RAB27A: variants seen among roughly 807,000 people sequenced by gnomAD.
The protein encoded by RAB27A is ras-related protein Rab-27A.
In RAB27A, 17 loss-of-function variants were observed where a neutral mutation model predicts 20.8. The observed-to-expected ratio is 0.82, with a 90% confidence interval of 0.56 to 1.23. RAB27A has a LOEUF of 1.23. Among genes scored for constraint, RAB27A ranks in the 50% most tolerant of loss-of-function variants. The pLI is 0.00. For missense variants in RAB27A, 277 were observed against 266.7 expected (o/e 1.04, Z -0.27); for synonymous variants, 85 against 92.8 (o/e 0.92, Z 0.48).
intron 1 of RAB27A, among the ~76,000 whole-genome samples, chr15:55,279,848 A>G (rs1437146714): frequency 2.6e-5 from 4 of 152,204 alleles, no homozygotes; most frequent in Non-Finnish European, 5.9e-5. Context: ...TGACTCATCA[A>G]CTACAAAGGC....
At chr15:55,235,066 T>G (rs935755325) in intron 2 of RAB27A, 110 bp from the exon 3 acceptor site, 14 of 865,774 alleles carry the variant, frequency 1.6e-5, no homozygotes. Flanking sequence ...AACCTGTATG[T>G]CTACGGGTTG....
intron 6 of RAB27A, among the ~76,000 whole-genome samples, chr15:55,215,953 A>AAG (rs1895280581): frequency 6.6e-6 from 1 of 150,842 alleles, no homozygotes; most frequent in African/African-American, 2.4e-5. Context: ...CTCAAAAAAA[A>AAG]AAAAAAAAAA....
chr15:55,210,156 C>T (rs1894931324), intron 6 of RAB27A, among the ~76,000 whole-genome samples: 1 of 96,250 alleles, frequency 1.0e-5, no homozygotes, highest in East Asian at 2.4e-4. Flanking sequence ...TGTATGTATA[C>T]ATACACATAC....
At chr15:55,208,547 C>A (rs879284427) in intron 6 of RAB27A, among the ~76,000 whole-genome samples, 5 of 152,184 alleles carry the variant, frequency 3.3e-5, no homozygotes, top group Admixed American at 3.3e-4. Flanking sequence ...CCCTTCATGA[C>A]CCCAGAAGTT....
chr15:55,287,139 T>G (rs919188846), intron 1 of RAB27A, among the ~76,000 whole-genome samples: 6 of 151,916 alleles, frequency 3.9e-5, no homozygotes, highest in Non-Finnish European at 2.9e-5. Flanking sequence ...AGCCTGGTCT[T>G]GAACTCCTGA....
Position 55,203,765 on chromosome 15 carries a change from T to C in RAB27A, c.*1742A>G, listed in dbSNP as rs1061824. ...TCTAAATCTTTTCCTCACTAGCATA[T>C]ACAATTCAAATGCACAGGCCTCCAT... On this transcript the variant is annotated 3_prime_UTR_variant, in exon 7 of 7. Transcript: ENST00000336787. 0.27 allele frequency: 40,546 copies of C among 151,548 alleles called. 7,042 individuals are homozygous for C. The highest frequency in any genetic ancestry group is 0.49 in the African/African-American group (20,403 of 41,230). 9.4% of individuals were successfully genotyped at this position (151,548 alleles called of 1,614,324 possible).
chr15:55,294,652 A>G (rs1346675033), upstream of RAB27A, among the ~76,000 whole-genome samples: 1 of 151,678 alleles, frequency 6.6e-6, no homozygotes, highest in Non-Finnish European at 1.5e-5. Context: ...CCAATACCAT[A>G]TATAAAATTA....
At chr15:55,264,894 C>T (rs760982613) in intron 2 of RAB27A, among the ~76,000 whole-genome samples, 6 of 152,114 alleles carry the variant, frequency 3.9e-5, no homozygotes, top group Non-Finnish European at 8.8e-5. Context: ...TCTAGAAGAG[C>T]AACAGTCTAA....
chr15:55,309,065 AG>A (rs1395077163), intron 2 of RAB27A, among the ~76,000 whole-genome samples: 1 of 152,196 alleles, frequency 6.6e-6, no homozygotes, highest in African/African-American at 2.4e-5. Context: ...GGCTTGGGTT[AG>A]GGCCTTCTTT....
At chr15:55,262,642 T>G (rs1372176989) in intron 2 of RAB27A, among the ~76,000 whole-genome samples, 1 of 42,568 alleles carries the variant, frequency 2.3e-5, no homozygotes, top group Non-Finnish European at 4.1e-5. Flanking sequence ...TTTTTTTTTG[T>G]TTTTTTTTGA....
intron 2 of RAB27A, among the ~76,000 whole-genome samples, chr15:55,306,195 T>C (rs1314465586): frequency 6.6e-6 from 1 of 152,180 alleles, no homozygotes; most frequent in Non-Finnish European, 1.5e-5. Flanking sequence ...GTTTGAGGTA[T>C]GGGTTATTTC....
In RAB27A at chr15:55,205,388, G is replaced by C; in HGVS notation, c.*119C>G. 2 of 1,015,316 alleles carry C rather than the reference G, an allele frequency of 2.0e-6. No individual in the cohort carries two copies. Among genetic ancestry groups the C allele is most frequent in the Non-Finnish European group, 3.1e-6 (2 of 638,166 alleles). The allele number at this position is 1,015,316 out of a possible 1,614,324, so 62.9% of individuals were successfully genotyped here. ...GGATGCTTTATTCGTAGGTCTAATGGGGATGGTGAGAAGCAATTTGTACAC... is the reference window on the plus strand; with the variant it reads ...GGATGCTTTATTCGTAGGTCTAATGCGGATGGTGAGAAGCAATTTGTACAC... On this transcript the variant is annotated 3_prime_UTR_variant, in exon 7 of 7. Coordinates refer to ENST00000336787, the MANE Select transcript of RAB27A (RefSeq NM_183235.3).
intron 1 of RAB27A, among the ~76,000 whole-genome samples, chr15:55,279,147 G>A (rs1897950889): frequency 6.6e-6 from 1 of 152,174 alleles, no homozygotes; most frequent in African/African-American, 2.4e-5. Context: ...AGAGACAGCA[G>A]AAAGAGCCAG....
At chr15:55,277,319 A>G (rs549182043) in intron 1 of RAB27A, among the ~76,000 whole-genome samples, 1 of 152,180 alleles carries the variant, frequency 6.6e-6, no homozygotes, top group Admixed American at 6.5e-5. Flanking sequence ...TTTTTGTAAC[A>G]GCCCTTGTAA....
intron 2 of RAB27A, among the ~76,000 whole-genome samples, chr15:55,300,056 G>A (rs1259627729): frequency 3.9e-5 from 6 of 152,038 alleles, no homozygotes; most frequent in South Asian, 2.1e-4. Flanking sequence ...TCCTGACCCC[G>A]TAATCCGCCC....
At chr15:55,235,483 T>C (rs1394896256) in intron 2 of RAB27A, among the ~76,000 whole-genome samples, 1 of 151,390 alleles carries the variant, frequency 6.6e-6, no homozygotes, top group African/African-American at 2.4e-5. Flanking sequence ...AAAATAAAAA[T>C]AAAAACATAC....
chr15:55,266,106 T>C (rs1897470798), intron 2 of RAB27A, among the ~76,000 whole-genome samples: 1 of 152,320 alleles, frequency 6.6e-6, no homozygotes, highest in Non-Finnish European at 1.5e-5. Flanking sequence ...CCCAATGTGA[T>C]GGTATAAGGA....
At chr15:55,242,773 G>A (rs1385065490) in intron 2 of RAB27A, among the ~76,000 whole-genome samples, 1 of 152,076 alleles carries the variant, frequency 6.6e-6, no homozygotes, top group Non-Finnish European at 1.5e-5. Context: ...TCAGACCTAG[G>A]AGTACCCATC....
At chr15:55,211,203 T>C (rs938020291) in intron 6 of RAB27A, among the ~76,000 whole-genome samples, 7 of 152,322 alleles carry the variant, frequency 4.6e-5, no homozygotes, top group Admixed American at 3.9e-4. Context: ...TCTCCAGCTT[T>C]GGGCTTTTTT....
Sources: gnomAD v4.1 joint callset for allele counts (sites outside exome capture counted in the v4.1 genomes callset) on GRCh38, gnomAD v4.1.1 for gene constraint, MANE v1.5 for transcripts, NCBI Gene and HGNC (gene_info 2026-07-23, HGNC 2026-07-21) for gene names.